Variants in MTMR7 observed in about 807,000 individuals in gnomAD.
MTMR7 encodes the protein phosphatidylinositol-3-phosphate phosphatase MTMR7.
In MTMR7, 76 loss-of-function variants were observed where a neutral mutation model predicts 81.2. The ratio of observed to expected loss-of-function variants is 0.94; its 90% confidence interval spans 0.78 to 1.13. The LOEUF is 1.13. Among genes scored for constraint, MTMR7 ranks in the 50% most tolerant of loss-of-function variants. MTMR7 has a pLI of 0.00. For missense variants in MTMR7, 1,044 were observed against 820.0 expected (o/e 1.27, Z -3.34); for synonymous variants, 372 against 289.8 (o/e 1.28, Z -2.88).
chr8:17,306,166 G>A (rs770178033), intron 10 of MTMR7, among the ~76,000 whole-genome samples: 28 of 152,160 alleles, frequency 1.8e-4, no homozygotes, highest in South Asian at 1.0e-3. Flanking sequence ...GAAGGGATGC[G>A]TTCACGTTAT....
At chr8:17,387,764 T>G (rs1171358146) in intron 1 of MTMR7, among the ~76,000 whole-genome samples, 6 of 151,728 alleles carry the variant, frequency 4.0e-5, no homozygotes, top group Non-Finnish European at 8.8e-5. Flanking sequence ...CTTTGAGAAA[T>G]TTCCATTTAA....
At chr8:17,349,125 T>A (rs113964561) in intron 4 of MTMR7, 44 bp from the exon 5 acceptor site, 1 of 1,596,802 alleles carries the variant, frequency 6.3e-7, no homozygotes, top group Admixed American at 1.7e-5. Flanking sequence ...CATCTAGTAA[T>A]GCCCTGCGAA....
intron 11 of MTMR7, among the ~76,000 whole-genome samples, 189 bp downstream of exon 11, chr8:17,305,568 T>A (rs984709123): frequency 2.0e-5 from 3 of 152,200 alleles, no homozygotes; most frequent in African/African-American, 7.2e-5. Flanking sequence ...TGAAACTATT[T>A]ATCTGTCAGT....
At chr8:17,309,666 A>C (rs1351652078) in intron 9 of MTMR7, among the ~76,000 whole-genome samples, 5 of 152,186 alleles carry the variant, frequency 3.3e-5, no homozygotes, top group African/African-American at 1.2e-4. Flanking sequence ...GGGAAACCGA[A>C]GGAAAGAGGT....
At chr8:17,381,573 G>T (rs1820762439) in intron 1 of MTMR7, among the ~76,000 whole-genome samples, 1 of 152,174 alleles carries the variant, frequency 6.6e-6, no homozygotes, top group South Asian at 2.1e-4. Flanking sequence ...CAGGGCCGGG[G>T]TGCCAGTCAT....
rs142774879 is a variant in MTMR7, at chr8:17,299,997, A to G, written c.1848T>C (p.Asp616=). ...TQDNLKSSDP[D]LSANSDQESG... ...ACTCTTGGTCACTGTTGGCTGACAG[A>G]TCTGGATCTGAACTTTTCAGATTGT... is the stretch of plus-strand genomic sequence containing the variant. The change falls in exon 14 of 14, where the codon GAT becomes GAC. Residue 616 remains aspartate (D), a synonymous_variant. Coordinates refer to ENST00000180173, the MANE Select transcript of MTMR7 (RefSeq NM_004686.5). The G allele has an allele frequency of 7.9e-5, 127 of 1,613,990 alleles. No homozygotes were observed. Among genetic ancestry groups the G allele is most frequent in the Non-Finnish European group, 9.6e-5 (113 of 1,180,006 alleles).
rs373332192 is a variant in MTMR7 at position 17,390,714 on chromosome 8, C to T, written c.25-17474G>A. Among the ~76,000 whole-genome samples the T allele has an allele frequency of 6.6e-5, 10 of 152,204 alleles. 1 individual carries two copies. The highest frequency in any genetic ancestry group is 2.1e-4 in the South Asian group (1 of 4,826). ...TCAGGAAACTTACAATCATGGCAGA[C>T]GAGGAAGCAAACACATCGTTCTTCA... is the stretch of plus-strand genomic sequence containing the variant. On this transcript the variant is annotated intron_variant, in intron 1 of 13. Coordinates refer to ENST00000180173, the MANE Select transcript of MTMR7 (RefSeq NM_004686.5).
intron 5 of MTMR7, 77 bp downstream of exon 5, chr8:17,348,876 G>A: frequency 1.9e-6 from 3 of 1,550,962 alleles, no homozygotes; most frequent in Non-Finnish European, 2.7e-6. Context: ...ACGCACAGCA[G>A]AAGGCAGCTA....
chr8:17,352,065 G>C (rs4921759), intron 4 of MTMR7, among the ~76,000 whole-genome samples: 14,497 of 152,168 alleles, frequency 0.095, 968 homozygotes, highest in Non-Finnish European at 0.15. Context: ...AATCTCAAGG[G>C]CATTTTGTGC....
chr8:17,343,282 T>G (rs1236652130), intron 5 of MTMR7, among the ~76,000 whole-genome samples: 1 of 151,656 alleles, frequency 6.6e-6, no homozygotes, highest in Non-Finnish European at 1.5e-5. Context: ...CAACAAACAT[T>G]AGGTGGGCAT....
At chr8:17,313,202 G>T (rs1817885980) in intron 8 of MTMR7, 90 bp downstream of exon 8, 2 of 902,880 alleles carry the variant, frequency 2.2e-6, no homozygotes, top group Non-Finnish European at 3.5e-6. Flanking sequence ...TGCAGCTTAA[G>T]ACAGGGAAGC....
chr8:17,319,033 G>C (rs1202014843), intron 7 of MTMR7, among the ~76,000 whole-genome samples: 1 of 152,206 alleles, frequency 6.6e-6, no homozygotes, highest in Admixed American at 6.5e-5. Flanking sequence ...CTGCCATCTT[G>C]GGGAAATAGG....
chr8:17,411,556 C>A (rs901331009), intron 1 of MTMR7, among the ~76,000 whole-genome samples: 2 of 152,192 alleles, frequency 1.3e-5, no homozygotes, highest in African/African-American at 4.8e-5. Context: ...TCTGTAATTT[C>A]TTATTTTTTT....
intron 1 of MTMR7, among the ~76,000 whole-genome samples, chr8:17,373,740 A>G (rs1820491336): frequency 6.6e-6 from 1 of 152,258 alleles, no homozygotes; most frequent in African/African-American, 2.4e-5. Flanking sequence ...AGAAAAAAGT[A>G]TCAGAGAAAT....
chr8:17,300,911 T>C (rs1817067417), intron 13 of MTMR7, among the ~76,000 whole-genome samples: 1 of 152,264 alleles, frequency 6.6e-6, no homozygotes, highest in Non-Finnish European at 1.5e-5. Flanking sequence ...ACTTAGCTTA[T>C]GTTCTCAGAA....
At chr8:17,310,461 G>T (rs1003513187) in intron 9 of MTMR7, among the ~76,000 whole-genome samples, 1 of 152,160 alleles carries the variant, frequency 6.6e-6, no homozygotes, top group Non-Finnish European at 1.5e-5. Flanking sequence ...GTTTAATGGG[G>T]CACAATGAGA....
chr8:17,331,543 G>A (rs566311347), intron 6 of MTMR7, among the ~76,000 whole-genome samples: 3 of 152,204 alleles, frequency 2.0e-5, no homozygotes, highest in Admixed American at 6.5e-5. Flanking sequence ...AACCCTTCTG[G>A]AGATGTCACT....
At chr8:17,357,525 A>G (rs541860463) in intron 4 of MTMR7, among the ~76,000 whole-genome samples, 7 of 150,128 alleles carry the variant, frequency 4.7e-5, no homozygotes, top group Admixed American at 4.0e-4. Flanking sequence ...GGCAATTGCA[A>G]CTTTAAGCAA....
intron 5 of MTMR7, 84 bp from the exon 6 acceptor site, chr8:17,341,581 A>T: frequency 6.7e-7 from 1 of 1,491,804 alleles, no homozygotes; most frequent in African/African-American, 1.4e-5. Context: ...CAGAACAAAG[A>T]GCCCTTGGCT....
Sources: allele counts gnomAD v4.1 joint callset (sites outside exome capture counted in the v4.1 genomes callset), GRCh38; gene constraint gnomAD v4.1.1; transcripts MANE v1.5; gene names NCBI Gene and HGNC (gene_info 2026-07-23, HGNC 2026-07-21).